UFD1: variants seen among roughly 807,000 people sequenced by gnomAD.
UFD1 encodes ubiquitin recognition factor in ER-associated degradation protein 1.
UFD1 carries 13 observed loss-of-function variants against 45.9 expected under a neutral mutation model. That is an observed-to-expected ratio of 0.28 (90% CI 0.18 to 0.45). UFD1 has a LOEUF of 0.45. Ranked by LOEUF, UFD1 falls within the 20% of genes least tolerant of loss-of-function variation. The probability of loss-of-function intolerance (pLI) is 1.00; values close to 1 mark genes in which losing one functional copy is unlikely to be tolerated. For missense variants in UFD1, 218 were observed against 389.2 expected (o/e 0.56, Z 3.70); for synonymous variants, 128 against 139.2 (o/e 0.92, Z 0.56).
In UFD1 at chr22:19,479,166, T is replaced by G. The variant is rs1223922232; in HGVS notation, c.-81A>C. 6.4e-7 allele frequency: 1 copy of G among 1,571,078 alleles called. No homozygotes were observed. The highest frequency in any genetic ancestry group is 1.7e-4 in the Middle Eastern group (1 of 6,012). On this transcript the variant is annotated 5_prime_UTR_variant, in exon 1 of 12. Transcript: ENST00000263202. Reference sequence around the variant, plus strand: ...CGCCGACCGCTCTCCCAGCCGCCGCTGCCGCTGCCGCCGCGCCAAGCCGGT... The same window carrying G: ...CGCCGACCGCTCTCCCAGCCGCCGCGGCCGCTGCCGCCGCGCCAAGCCGGT...
rs529921829 is a variant in UFD1 at position 19,470,630 on chromosome 22, C to T, written c.291+1057G>A. 72 of 408,616 alleles carry T rather than the reference C, an allele frequency of 1.8e-4. 2 individuals carry two copies. Among genetic ancestry groups the T allele is most frequent in the Admixed American group, 9.6e-4 (36 of 37,378 alleles). 25.3% of individuals were successfully genotyped at this position (408,616 alleles called of 1,614,324 possible). A position where few individuals can be genotyped will look rare whatever the true frequency, so the allele number is the denominator to read the frequency against. Reference sequence around the variant, plus strand: ...CTAGTCTTTGTATTTTTAGTAGAGACGGGGTTTCACCATGTTGGCCAGGCT... The same window carrying T: ...CTAGTCTTTGTATTTTTAGTAGAGATGGGGTTTCACCATGTTGGCCAGGCT... On this transcript the variant is annotated intron_variant, in intron 4 of 11. Coordinates refer to ENST00000263202, the MANE Select transcript of UFD1 (RefSeq NM_005659.7).
At chr22:19,476,810 C>G (rs1282373394) in intron 1 of UFD1, among the ~76,000 whole-genome samples, 2 of 151,744 alleles carry the variant, frequency 1.3e-5, no homozygotes, top group Non-Finnish European at 2.9e-5. Flanking sequence ...AGTTTGAGAC[C>G]AGCCTGGCCA....
rs2089668672 is a variant in UFD1, at chr22:19,450,096, C to T, written c.*574G>A. The T allele has an allele frequency of 6.6e-6, 1 of 152,432 alleles. No homozygotes were observed. The highest frequency in any genetic ancestry group is 2.4e-5 in the African/African-American group (1 of 41,454). 9.4% of individuals were successfully genotyped at this position (152,432 alleles called of 1,614,324 possible). On this transcript the variant is annotated 3_prime_UTR_variant, in exon 12 of 12. Coordinates refer to ENST00000263202, the MANE Select transcript of UFD1 (RefSeq NM_005659.7). The stretch of plus-strand genomic sequence containing the variant: ...TATGAAATGAGAATAAAAGTGCAAA[C>T]TCATTCAGATCAGGTTCTTCTGAGT...
rs771068726 is a variant in UFD1 at position 19,455,686 on chromosome 22, A to G, written c.761T>C (p.Ile254Thr). Residue 254 changes from isoleucine to threonine, a missense_variant, in exon 10 of 12, where the codon ATT becomes ACT. Physicochemically the swap from Ile to Thr is moderately conservative, Grantham distance 89. Transcript: ENST00000263202. ...PSPSPIKPGD[I>T]KRGIPNYEFK... ...AGAGCCAGGACAGACCTACCTTTTA[A>G]TATCTCCAGGCTTGATTGGGGAGGG... is the stretch of plus-strand genomic sequence containing the variant. The G allele has an allele frequency of 3.1e-6, 5 of 1,613,790 alleles. No individual in the cohort carries two copies. The South Asian group carries it at 5.5e-5, about 18-fold the overall frequency.
chr22:19,452,901 G>A (rs773945773), intron 11 of UFD1: 1 of 265,178 alleles, frequency 3.8e-6, no homozygotes, highest in Non-Finnish European at 5.8e-6. Context: ...CTCAAAGTGG[G>A]GCTATTTTCA....
At chr22:19,454,616 T>G (rs770534505) in intron 11 of UFD1, 133 bp downstream of exon 11, 12 of 1,534,652 alleles carry the variant, frequency 7.8e-6, no homozygotes, top group Non-Finnish European at 1.1e-5. Context: ...TTGCCCAGTC[T>G]CGGGTACATC....
Position 19,471,669 on chromosome 22 carries a change from C to T in UFD1, c.291+18G>A. On this transcript the variant is annotated intron_variant, in intron 4 of 11. Transcript: ENST00000263202. ...GCCTAAGTGGCTGCTCTCTAGAGACCCTGGCAGCCCCACTCACCCAGTGTG... is the reference window on the plus strand; with the variant it reads ...GCCTAAGTGGCTGCTCTCTAGAGACTCTGGCAGCCCCACTCACCCAGTGTG... The T allele has an allele frequency of 6.2e-7, 1 of 1,611,126 alleles. No individual in the cohort carries two copies. The highest frequency in any genetic ancestry group is 1.1e-5 in the South Asian group (1 of 90,896).
intron 11 of UFD1, 200 bp downstream of exon 11, chr22:19,454,549 G>T (rs536793962): frequency 1.1e-5 from 13 of 1,200,658 alleles, no homozygotes; most frequent in Non-Finnish European, 1.4e-5. Flanking sequence ...TGCCATGATT[G>T]TGAGGCCTCC....
Position 19,456,641 on chromosome 22 carries a change from G to C in UFD1, c.631-7C>G. The C allele has an allele frequency of 1.2e-6, 2 of 1,614,162 alleles. No homozygotes were observed. The highest frequency in any genetic ancestry group is 1.7e-6 in the Non-Finnish European group (2 of 1,180,028). ...TGTGGTCGGCTTCACCTTCCTGACA[G>C]GGAAAAAGAAAAACAGGTGAGCTCC... On this transcript the variant is annotated splice_region_variant and splice_polypyrimidine_tract_variant and intron_variant, in intron 8 of 11. Transcript: ENST00000263202.
chr22:19,458,255 GAC>G, intron 6 of UFD1, 116 bp from the exon 7 acceptor site: 2 of 1,056,964 alleles, frequency 1.9e-6, no homozygotes, highest in Non-Finnish European at 2.9e-6. Flanking sequence ...TCATGCCCAT[GAC>G]ACAACCTACA....
intron 10 of UFD1, 75 bp downstream of exon 10, chr22:19,455,603 TGG>T (rs2089716653): frequency 7.2e-7 from 1 of 1,394,556 alleles, no homozygotes; most frequent in African/African-American, 1.4e-5. Flanking sequence ...TCTCCAGAAC[TGG>T]GGTGAGGCTG....
In UFD1 at chr22:19,458,070, CG is replaced by C. The variant is rs760211579; in HGVS notation, c.564del (p.Asn188LysfsTer55). On this transcript the variant is annotated frameshift_variant and splice_region_variant, in exon 7 of 12. Transcript: ENST00000263202. LOFTEE classifies it high-confidence loss of function. Reference protein sequence around the residue: ...KAVSIIECDMNVDFDAPLGYK... With the variant: ...KAVSIIECDMXVDFDAPLGYK... ...CACTGTAACTGGACAGAGCCACTCA[CG>C]TTCATGTCACACTCAATGATGGACA... 6.2e-7 allele frequency: 1 copy of C among 1,614,146 alleles called. No homozygotes were observed. Among genetic ancestry groups the C allele is most frequent in the Non-Finnish European group, 8.5e-7 (1 of 1,179,990 alleles).
At chr22:19,461,810 T>G (rs1272130954) in intron 6 of UFD1, among the ~76,000 whole-genome samples, 1 of 152,118 alleles carries the variant, frequency 6.6e-6, no homozygotes, top group African/African-American at 2.4e-5. Context: ...TTATTTAGGC[T>G]GTTTGTTTTT....
In UFD1 at chr22:19,478,993, GCCGCCGTCCCGCC is replaced by G. The variant is rs568075894; in HGVS notation, c.3+77_3+89del. On this transcript the variant is annotated intron_variant, in intron 1 of 11. Transcript: ENST00000263202. The stretch of plus-strand genomic sequence containing the variant: ...CAGGCCCGGGTGACTCGGCACCTCC[GCCGCCGTCCCGCC>G]CCGCCCTGCCCCGCCGGGCCCTACC... The G allele has an allele frequency of 4.0e-6, 6 of 1,498,722 alleles. No individual in the cohort carries two copies. The Admixed American group carries it at 8.9e-5, about 22-fold the overall frequency. 92.8% of individuals were successfully genotyped at this position (1,498,722 alleles called of 1,614,324 possible).
At chr22:19,454,464 T>G in intron 11 of UFD1, 1 of 727,576 alleles carries the variant, frequency 1.4e-6, no homozygotes, top group South Asian at 2.2e-5. Flanking sequence ...GATCTGATGG[T>G]TTTATAAGTA....
intron 4 of UFD1, 72 bp from the exon 5 acceptor site, chr22:19,468,075 C>G: frequency 6.4e-7 from 1 of 1,564,368 alleles, no homozygotes; most frequent in South Asian, 1.2e-5. Context: ...TCCCTATACA[C>G]TGGGCAGGCC....
At chr22:19,471,597 G>T (rs999779197) in intron 4 of UFD1, 90 bp downstream of exon 4, 2 of 1,536,694 alleles carry the variant, frequency 1.3e-6, no homozygotes, top group Non-Finnish European at 1.8e-6. Flanking sequence ...GAGTAGGCGG[G>T]GCCACCTGCT....
At chr22:19,474,132 G>T (rs1043920533) in intron 3 of UFD1, among the ~76,000 whole-genome samples, 1 of 152,192 alleles carries the variant, frequency 6.6e-6, no homozygotes, top group South Asian at 2.1e-4. Flanking sequence ...TAGAACCCCT[G>T]TGGGCCTATC....
intron 3 of UFD1, among the ~76,000 whole-genome samples, chr22:19,472,477 G>A (rs150864377): frequency 5.9e-5 from 9 of 152,290 alleles, no homozygotes; most frequent in Non-Finnish European, 1.2e-4. Flanking sequence ...GACATAGGAC[G>A]CCCCCTCTCT....
Sources: gnomAD v4.1 joint callset for allele counts (sites outside exome capture counted in the v4.1 genomes callset) on GRCh38, gnomAD v4.1.1 for gene constraint, MANE v1.5 for transcripts, NCBI Gene and HGNC (gene_info 2026-07-23, HGNC 2026-07-21) for gene names.